The following SIGLECL1 variants were observed in gnomAD, a reference collection of about 807,000 sequenced individuals.
The protein encoded by SIGLECL1 is SIGLEC family like 1.
SIGLECL1 carries 16 observed loss-of-function variants against 19.1 expected under a neutral mutation model. The observed-to-expected ratio is 0.84, with a 90% CI of 0.57 to 1.27. The LOEUF is 1.27. Ranked by LOEUF, SIGLECL1 falls within the 50% of genes most tolerant of loss-of-function variation. The pLI is 0.00. For missense variants in SIGLECL1, 210 were observed against 239.4 expected (o/e 0.88, Z 0.81); for synonymous variants, 89 against 90.4 (o/e 0.98, Z 0.09).
At chr19:51,257,938 A>T (rs938023466) in intron 1 of SIGLECL1, 33 of 152,186 alleles carry the variant, frequency 2.2e-4, no homozygotes, top group Non-Finnish European at 4.4e-5. Context: ...GCATATTGTC[A>T]CACATTATCA....
intron 1 of SIGLECL1, chr19:51,256,139 T>C (rs1046954805): frequency 3.9e-5 from 6 of 151,996 alleles, no homozygotes; most frequent in Non-Finnish European, 8.8e-5. Flanking sequence ...TTGTTCAACA[T>C]TGTCTAATCA....
chr19:51,257,249 T>C (rs1407889039), intron 1 of SIGLECL1, among the ~76,000 whole-genome samples: 1 of 151,584 alleles, frequency 6.6e-6, no homozygotes, highest in Non-Finnish European at 1.5e-5. Context: ...TCTACATAAA[T>C]TAAAAAATTA....
Position 51,267,315 on chromosome 19 carries a change from C to G in SIGLECL1, c.411-58C>G. The G allele has an allele frequency of 6.3e-6, 10 of 1,581,782 alleles. 1 individual carries two copies. The South Asian group carries it at 1.1e-4, about 18-fold the overall frequency. On this transcript the variant is annotated intron_variant, in intron 4 of 5. Coordinates refer to ENST00000601727, the MANE Select transcript of SIGLECL1 (RefSeq NM_001385465.1). ...TCAGAAGTTCTGGTCAAGATAGAGC[C>G]CATTTGGGGATTCAGGGAGATGGAG...
chr19:51,246,960 C>G (rs1982280406), upstream of SIGLECL1, among the ~76,000 whole-genome samples: 1 of 152,174 alleles, frequency 6.6e-6, no homozygotes, highest in African/African-American at 2.4e-5. Flanking sequence ...TCGCTTACGT[C>G]CAGATGAATG....
At chr19:51,248,465 C>T (rs1982335393), upstream of SIGLECL1, among the ~76,000 whole-genome samples, 1 of 152,196 alleles carries the variant, frequency 6.6e-6, no homozygotes, top group Non-Finnish European at 1.5e-5. Flanking sequence ...TAAACCTCCA[C>T]TCCTAAAATC....
chr19:51,253,854 C>G (rs1982639283), intron 1 of SIGLECL1, among the ~76,000 whole-genome samples: 1 of 152,130 alleles, frequency 6.6e-6, no homozygotes, highest in South Asian at 2.1e-4. Context: ...TTTTGTGGAT[C>G]TCTGCCTTCC....
intron 1 of SIGLECL1, among the ~76,000 whole-genome samples, chr19:51,262,046 C>G (rs948264050): frequency 3.3e-5 from 5 of 152,170 alleles, no homozygotes; most frequent in African/African-American, 1.2e-4. Flanking sequence ...GTTCTGGATG[C>G]AAGCACGTTG....
At chr19:51,261,916 T>C (rs943158287) in intron 1 of SIGLECL1, among the ~76,000 whole-genome samples, 13 of 152,134 alleles carry the variant, frequency 8.5e-5, no homozygotes, top group Non-Finnish European at 1.0e-4. Context: ...ACAACTCAAA[T>C]TATCACAAAG....
At chr19:51,246,963 G>A (rs1478342690), upstream of SIGLECL1, among the ~76,000 whole-genome samples, 2 of 152,222 alleles carry the variant, frequency 1.3e-5, no homozygotes, top group Admixed American at 1.3e-4. Context: ...CTTACGTCCA[G>A]ATGAATGCAC....
chr19:51,256,180 C>A (rs1982798180), intron 1 of SIGLECL1: 1 of 151,942 alleles, frequency 6.6e-6, no homozygotes, highest in Non-Finnish European at 1.5e-5. Flanking sequence ...CCAGCCAGTA[C>A]CAGTATCTGT....
intron 5 of SIGLECL1, 36 bp from the exon 6 acceptor site, chr19:51,268,535 C>A (rs755194425): frequency 4.2e-5 from 68 of 1,612,982 alleles, no homozygotes; most frequent in Non-Finnish European, 5.5e-5. Flanking sequence ...TTCCAACATT[C>A]TTTTTTCTTT....
At chr19:51,258,229 G>A (rs1292250193) in intron 1 of SIGLECL1, among the ~76,000 whole-genome samples, 1 of 152,048 alleles carries the variant, frequency 6.6e-6, no homozygotes, top group Non-Finnish European at 1.5e-5. Flanking sequence ...ATCTTCAGTT[G>A]GTGTCAGAAA....
chr19:51,265,989 T>G, intron 4 of SIGLECL1, 107 bp downstream of exon 4: 2 of 1,108,012 alleles, frequency 1.8e-6, no homozygotes, highest in Admixed American at 1.9e-5. Context: ...TCAAGGAGCT[T>G]AGGGTCTAAA....
At chr19:51,256,479 G>A (rs166653) in intron 1 of SIGLECL1, among the ~76,000 whole-genome samples, 100,343 of 152,124 alleles carry the variant, frequency 0.66, 34,535 homozygotes, top group African/African-American at 0.85. Flanking sequence ...CAAACGCATG[G>A]AAGCAAAGTA....
At position 51,265,874 on chromosome 19, in the gene SIGLECL1, C is replaced by G; in HGVS notation, c.402C>G (p.Leu134=). Residue 134 remains leucine (L), a synonymous_variant, in exon 4 of 6, where the codon CTC becomes CTG. Transcript: ENST00000601727. ...IVIALLFLCL[L]PLIVKHIRKK... ...TTGCGCTGCTCTTCCTCTGCCTCCT[C>G]CCTCTCATGTGAGTACTAGGGTTAA... is the stretch of plus-strand genomic sequence containing the variant. The G allele has an allele frequency of 6.2e-7, 1 of 1,614,114 alleles. No homozygotes were observed. Among genetic ancestry groups the G allele is most frequent in the Non-Finnish European group, 8.5e-7 (1 of 1,179,992 alleles).
chr19:51,261,247 TG>T (rs1227147048), intron 1 of SIGLECL1, among the ~76,000 whole-genome samples: 2 of 152,186 alleles, frequency 1.3e-5, no homozygotes, highest in Non-Finnish European at 2.9e-5. Context: ...CCTGGCTTTC[TG>T]GTTGGTATTT....
rs144557929 is a variant in SIGLECL1 at position 51,266,261 on chromosome 19, C to T, written c.410+379C>T. 2.0e-5 allele frequency among the ~76,000 whole-genome samples: 3 copies of T among 152,074 alleles called. No homozygotes were observed. The East Asian group carries it at 5.8e-4, about 29-fold the overall frequency. ...GTATCTAATCCAAAAATCCAAAATC[C>T]GAAATGCTCCAAAGTCCAAAAGTTC... On this transcript the variant is annotated intron_variant, in intron 4 of 5. Coordinates refer to ENST00000601727, the MANE Select transcript of SIGLECL1 (RefSeq NM_001385465.1).
chr19:51,255,327 G>A lies in SIGLECL1; in HGVS notation c.-191+3782G>A, dbSNP rs76531274. ...TGTAAAACTACTAAAAGAAAACATC[G>A]GAGAAAACTTCTGTATATTTATATG... On this transcript the variant is annotated intron_variant, in intron 1 of 5. Transcript: ENST00000601727. Among the ~76,000 whole-genome samples, 302 of 151,366 alleles carry A rather than the reference G, an allele frequency of 2.0e-3. 4 individuals carry two copies. The East Asian group carries it at 0.028, about 14-fold the overall frequency.
chr19:51,263,999 C>A lies in SIGLECL1; in HGVS notation c.-74C>A. 6.3e-7 allele frequency: 1 copy of A among 1,580,262 alleles called. No individual in the cohort carries two copies. Among genetic ancestry groups the A allele is most frequent in the South Asian group, 1.1e-5 (1 of 88,814 alleles). On this transcript the variant is annotated 5_prime_UTR_variant, in exon 2 of 6. Transcript: ENST00000601727. ...ACGCATCACCTCACTCCTTCTGAAC[C>A]ATATGGTTCTGATGTCAGAGCCAGT...
Sources: allele counts gnomAD v4.1 joint callset (sites outside exome capture counted in the v4.1 genomes callset), GRCh38; gene constraint gnomAD v4.1.1; transcripts MANE v1.5; gene names NCBI Gene and HGNC (gene_info 2026-07-23, HGNC 2026-07-21).